Variants in SLC24A5 observed in about 807,000 individuals in gnomAD.
The protein encoded by SLC24A5 is sodium/potassium/calcium exchanger 5.
In SLC24A5, 46 loss-of-function variants were observed where a neutral mutation model predicts 51.6. The ratio of observed to expected loss-of-function variants is 0.89; its 90% CI spans 0.70 to 1.14. SLC24A5 has a LOEUF of 1.14. Among genes scored for constraint, SLC24A5 ranks in the 50% most tolerant of loss-of-function variants. SLC24A5 has a pLI of 0.00. For synonymous variants in SLC24A5, 230 were observed against 214.9 expected, an observed-to-expected ratio of 1.07 and a Z score of -0.62; for missense variants, 581 against 604.1, an observed-to-expected ratio of 0.96 and a Z score of 0.40.
intron 6 of SLC24A5, chr15:48,137,239 TAGG>T: frequency 3.1e-6 from 1 of 323,532 alleles, no homozygotes; most frequent in Non-Finnish European, 5.6e-6. Context: ...TGAGGACAGA[TAGG>T]AGATTTTCAC....
chr15:48,128,293 A>G (rs1567221717), intron 2 of SLC24A5, among the ~76,000 whole-genome samples: 1 of 152,136 alleles, frequency 6.6e-6, no homozygotes, highest in South Asian at 2.1e-4. Context: ...ATTTACACTA[A>G]TATACCATTC....
At chr15:48,131,697 T>A (rs1445491826) in intron 2 of SLC24A5, among the ~76,000 whole-genome samples, 1 of 150,148 alleles carries the variant, frequency 6.7e-6, no homozygotes, top group East Asian at 1.9e-4. Flanking sequence ...AACTACCCAG[T>A]CTCAGGCATT....
At position 48,134,444 on chromosome 15, in the gene SLC24A5, T is replaced by C; in HGVS notation, c.395T>C (p.Ile132Thr). 6.2e-7 allele frequency: 1 copy of C among 1,613,272 alleles called. No individual in the cohort carries two copies. The highest frequency in any genetic ancestry group is 8.5e-7 in the Non-Finnish European group (1 of 1,179,332). Residue 132 changes from isoleucine to threonine, a missense_variant, in exon 4 of 9, where the codon ATC (isoleucine) becomes ACC (threonine). Ile to Thr is a moderately conservative substitution (Grantham distance 89, BLOSUM62 -1). Coordinates refer to ENST00000341459, the MANE Select transcript of SLC24A5 (RefSeq NM_205850.3). ...ACTATCTTGCACATAGGTGTATTTA[T>C]CACAAAGGGAGATATTGGCATTAGC... ...ELVTAFLGVF[I>T]TKGDIGISTI...
chr15:48,136,930 A>G lies in SLC24A5; in HGVS notation c.838A>G (p.Ile280Val), dbSNP rs764396166. The change falls in exon 6 of 9, where the codon ATA (isoleucine) becomes GTA (valine). Residue 280 changes from isoleucine to valine, a missense_variant. Ile to Val is a conservative substitution (Grantham distance 29). Coordinates refer to ENST00000341459, the MANE Select transcript of SLC24A5 (RefSeq NM_205850.3). ...AGATTCTGGCTACTCTCAGCTCTCT[A>G]TAAGTTTACATGGCCTTAGTCAGGT... ...YEDSGYSQLS[I>V]SLHGLSQVSE... 13 of 1,613,428 alleles carry G rather than the reference A, an allele frequency of 8.1e-6. No homozygotes were observed. Among genetic ancestry groups the G allele is most frequent in the East Asian group, 2.2e-5 (1 of 44,864 alleles).
In SLC24A5 at chr15:48,142,603, G is replaced by A. The variant is rs986204345; in HGVS notation, c.*252G>A. The A allele has an allele frequency of 2.5e-5, 11 of 442,910 alleles. No individual in the cohort carries two copies. The highest frequency in any genetic ancestry group is 4.3e-5 in the Non-Finnish European group (11 of 255,384). The allele number at this position is 442,910 out of a possible 1,614,324, so 27.4% of individuals were successfully genotyped here. On this transcript the variant is annotated 3_prime_UTR_variant, in exon 9 of 9. Transcript: ENST00000341459. ...CCATACAATAAGTTGACAAAAACTGGAGAAACTAGAACAAACAAATCCAAC... is the reference window on the plus strand; with the variant it reads ...CCATACAATAAGTTGACAAAAACTGAAGAAACTAGAACAAACAAATCCAAC...
At chr15:48,121,780 T>A in intron 1 of SLC24A5, 77 bp from the exon 2 acceptor site, 6 of 1,438,406 alleles carry the variant, frequency 4.2e-6, no homozygotes, top group Non-Finnish European at 4.8e-6. Context: ...ACTTACAGAT[T>A]TCTTAAGGAA....
chr15:48,139,604 G>A (rs1022610293), intron 7 of SLC24A5: 2 of 153,248 alleles, frequency 1.3e-5, no homozygotes, highest in Non-Finnish European at 2.9e-5. Flanking sequence ...TGCTTAACTG[G>A]ATTGTATTTT....
At chr15:48,135,186 C>G (rs902899082) in intron 5 of SLC24A5, 13 of 434,142 alleles carry the variant, frequency 3.0e-5, no homozygotes, top group Non-Finnish European at 8.4e-6. Context: ...AATCACTTCA[C>G]AGTCTCCTTT....
chr15:48,133,855 C>T (rs946191514), intron 2 of SLC24A5, among the ~76,000 whole-genome samples: 1 of 152,090 alleles, frequency 6.6e-6, no homozygotes. Context: ...TGTGAACAAG[C>T]TCTGTTCAGC....
In SLC24A5 at chr15:48,136,861, T is replaced by C. The variant is rs141831999; in HGVS notation, c.769T>C (p.Phe257Leu). Residue 257 changes from phenylalanine (F) to leucine (L), a missense_variant, in exon 6 of 9, where the codon TTC becomes CTC. Physicochemically the swap from Phe to Leu is conservative, Grantham distance 22. Coordinates refer to ENST00000341459, the MANE Select transcript of SLC24A5 (RefSeq NM_205850.3). ...LMGWEDEGQP[F>L]IRRQSRTDSG... The stretch of plus-strand genomic sequence containing the variant: ...GGGCTGGGAAGATGAAGGTCAACCA[T>C]TCATTCGTCGGCAATCAAGAACTGA... 9.3e-6 allele frequency: 15 copies of C among 1,613,748 alleles called. No individual in the cohort carries two copies. The highest frequency in any genetic ancestry group is 1.3e-5 in the Non-Finnish European group (15 of 1,179,844).
chr15:48,121,009 C>T lies in SLC24A5; in HGVS notation c.-36C>T, dbSNP rs764011817. The stretch of plus-strand genomic sequence containing the variant: ...CAGTTTAATCCTCCTCTTCTCCCTT[C>T]CTGAAGCTGCACGCTGCAGTAAGAG... On this transcript the variant is annotated 5_prime_UTR_variant, in exon 1 of 9. Coordinates refer to ENST00000341459, the MANE Select transcript of SLC24A5 (RefSeq NM_205850.3). 2 of 1,604,084 alleles carry T rather than the reference C, an allele frequency of 1.2e-6. No individual in the cohort carries two copies. Among genetic ancestry groups the T allele is most frequent in the South Asian group, 2.2e-5 (2 of 89,268 alleles).
chr15:48,139,798 T>C (rs2039007226), intron 7 of SLC24A5: 1 of 152,110 alleles, frequency 6.6e-6, no homozygotes, highest in Non-Finnish European at 1.5e-5. Context: ...ATCTGTAATT[T>C]CTCCTACAAA....
Position 48,136,882 on chromosome 15 carries a change from A to G in SLC24A5, c.790A>G (p.Thr264Ala). ...GQPFIRRQSR[T>A]DSGIFYEDSG... The stretch of plus-strand genomic sequence containing the variant: ...ACCATTCATTCGTCGGCAATCAAGA[A>G]CTGATAGTGGAATATTTTATGAAGA... The change falls in exon 6 of 9, where the codon ACT becomes GCT. Residue 264 changes from threonine (T) to alanine (A), a missense_variant. By Grantham distance (58) the Thr-to-Ala change is moderately conservative. Transcript: ENST00000341459. 2 of 1,613,882 alleles carry G rather than the reference A, an allele frequency of 1.2e-6. No individual in the cohort carries two copies. The highest frequency in any genetic ancestry group is 1.7e-6 in the Non-Finnish European group (2 of 1,179,820).
intron 2 of SLC24A5, among the ~76,000 whole-genome samples, chr15:48,125,206 AT>A (rs1320143133): frequency 1.4e-4 from 21 of 151,374 alleles, no homozygotes; most frequent in Non-Finnish European, 2.9e-4. Context: ...CTACAGTGTT[AT>A]TTTTTATCAG....
At chr15:48,133,293 T>C (rs2038815516) in intron 2 of SLC24A5, among the ~76,000 whole-genome samples, 2 of 152,146 alleles carry the variant, frequency 1.3e-5, no homozygotes, top group African/African-American at 4.8e-5. Flanking sequence ...TATGGCATGC[T>C]ACCTCTATTA....
chr15:48,122,424 T>C (rs1231009521), intron 2 of SLC24A5: 5 of 302,984 alleles, frequency 1.7e-5, no homozygotes, highest in Non-Finnish European at 2.4e-5. Context: ...TTATTTTTAC[T>C]CTAAGCTCGC....
chr15:48,132,906 A>G (rs2038807395), intron 2 of SLC24A5, among the ~76,000 whole-genome samples: 1 of 152,078 alleles, frequency 6.6e-6, no homozygotes, highest in Non-Finnish European at 1.5e-5. Flanking sequence ...TATGTAGGGG[A>G]TTAAAGGGTT....
chr15:48,142,307 C>T lies in SLC24A5; in HGVS notation c.1459C>T (p.Leu487Phe). 6.2e-7 allele frequency: 1 copy of T among 1,609,770 alleles called. No individual in the cohort carries two copies. Among genetic ancestry groups the T allele is most frequent in the Non-Finnish European group, 8.5e-7 (1 of 1,177,898 alleles). Reference sequence around the variant, plus strand: ...TGCTACATTATCAGTTCTATATGAACTTGGAATTATTGGAAATAATAAAAT... The same window carrying T: ...TGCTACATTATCAGTTCTATATGAATTTGGAATTATTGGAAATAATAAAAT... ...GLATLSVLYE[L>F]GIIGNNKIRG... The change falls in exon 9 of 9, where the codon CTT becomes TTT. Residue 487 changes from leucine to phenylalanine, a missense_variant. By Grantham distance (22) the Leu-to-Phe change is conservative. Coordinates refer to ENST00000341459, the MANE Select transcript of SLC24A5 (RefSeq NM_205850.3).
chr15:48,134,207 G>A (rs1434036363), intron 2 of SLC24A5, 51 bp from the exon 3 acceptor site: 7 of 1,470,620 alleles, frequency 4.8e-6, no homozygotes, highest in Non-Finnish European at 6.6e-6. Flanking sequence ...TAGTTGTAAA[G>A]ACATACTCTT....
Sources: allele counts gnomAD v4.1 joint callset (sites outside exome capture counted in the v4.1 genomes callset), GRCh38; gene constraint gnomAD v4.1.1; transcripts MANE v1.5; gene names NCBI Gene and HGNC (gene_info 2026-07-23, HGNC 2026-07-21).